Variants in TSG101 observed in about 807,000 individuals in gnomAD.
TSG101 encodes tumor susceptibility gene 101 protein.
A neutral mutation model predicts 48.5 loss-of-function variants in TSG101; 19 were observed. The observed-to-expected ratio is 0.39, with a 90% CI of 0.27 to 0.58. TSG101 has a LOEUF of 0.58. Among genes scored for constraint, TSG101 ranks in the 20% least tolerant of loss-of-function variants. The pLI is 0.55. For missense variants in TSG101, 365 were observed against 484.4 expected (o/e 0.75, Z 2.31); for synonymous variants, 174 against 169.4 (o/e 1.03, Z -0.21).
intron 1 of TSG101, chr11:18,525,587 G>A: frequency 6.0e-6 from 2 of 334,914 alleles, no homozygotes; most frequent in Middle Eastern, 1.6e-3. Flanking sequence ...ATACTCTTCA[G>A]TTACATACTA....
intron 2 of TSG101, among the ~76,000 whole-genome samples, chr11:18,518,647 G>A (rs1850217988): frequency 6.6e-6 from 1 of 152,154 alleles, no homozygotes; most frequent in Admixed American, 6.6e-5. Flanking sequence ...TCTATAAAAT[G>A]AAAGGGACAG....
chr11:18,506,547 C>T (rs1007955458), intron 6 of TSG101, among the ~76,000 whole-genome samples: 2 of 151,674 alleles, frequency 1.3e-5, no homozygotes, highest in South Asian at 4.2e-4. Flanking sequence ...AAAAATTAGC[C>T]GGGAATGGTG....
At chr11:18,513,646 T>C (rs1850123534) in intron 4 of TSG101, among the ~76,000 whole-genome samples, 1 of 152,126 alleles carries the variant, frequency 6.6e-6, no homozygotes, top group African/African-American at 2.4e-5. Context: ...GATCTAAAAG[T>C]CCTAGTTACT....
intron 7 of TSG101, among the ~76,000 whole-genome samples, chr11:18,494,988 GA>G (rs1238283640): frequency 6.6e-6 from 1 of 152,078 alleles, no homozygotes; most frequent in Non-Finnish European, 1.5e-5. Context: ...CTAAAGAGTG[GA>G]AACTACAGAA....
chr11:18,525,839 G>T, intron 1 of TSG101: 1 of 259,922 alleles, frequency 3.8e-6, no homozygotes, highest in Non-Finnish European at 6.0e-6. Context: ...CTATGGGGGC[G>T]ATTTAACTGG....
At chr11:18,514,863 C>T (rs1850144978) in intron 3 of TSG101, 22 bp from the exon 4 acceptor site, 2 of 1,516,970 alleles carry the variant, frequency 1.3e-6, no homozygotes, top group Admixed American at 2.6e-5. Context: ...ATAGAAACTT[C>T]AGTTACTCTA....
At chr11:18,481,924 G>T in intron 8 of TSG101, 55 bp from the exon 9 acceptor site, 1 of 1,590,296 alleles carries the variant, frequency 6.3e-7, no homozygotes, top group Non-Finnish European at 8.5e-7. Context: ...CCACTTGTCA[G>T]ACACCTACAA....
In TSG101 at chr11:18,524,049, C is replaced by T. The variant is rs181585541; in HGVS notation, c.42+2726G>A. Reference sequence around the variant, plus strand: ...CAAGTGGATTCTCCCATCTCTACCTCCCAAAGTATTGGGATTACAGGCATG... The same window carrying T: ...CAAGTGGATTCTCCCATCTCTACCTTCCAAAGTATTGGGATTACAGGCATG... On this transcript the variant is annotated intron_variant, in intron 1 of 9. Transcript: ENST00000251968. Among the ~76,000 whole-genome samples, 568 of 152,312 alleles carry T rather than the reference C, an allele frequency of 3.7e-3. 3 individuals are homozygous for T. Among genetic ancestry groups the T allele is most frequent in the Middle Eastern group, 6.8e-3 (2 of 294 alleles).
chr11:18,525,540 TAAAAAA>T (rs756622322), intron 1 of TSG101: 12 of 111,388 alleles, frequency 1.1e-4, no homozygotes, highest in Admixed American at 1.6e-4. Context: ...AGCAAGACTC[TAAAAAA>T]AAAAAAAAAA....
intron 6 of TSG101, among the ~76,000 whole-genome samples, chr11:18,504,505 T>C (rs1299545375): frequency 2.6e-5 from 4 of 152,330 alleles, no homozygotes; most frequent in Non-Finnish European, 4.4e-5. Context: ...GTTTCTAGTC[T>C]CTTCAGTAAT....
At chr11:18,491,056 C>T (rs551128882) in intron 7 of TSG101, 29 of 174,888 alleles carry the variant, frequency 1.7e-4, no homozygotes, top group Admixed American at 9.8e-4. Flanking sequence ...GCAGCGGTGG[C>T]GGTGCCTGCC....
In TSG101 at chr11:18,519,622, T is replaced by A; in HGVS notation, c.43-19A>T. The A allele has an allele frequency of 6.3e-7, 1 of 1,577,638 alleles. No individual in the cohort carries two copies. Among genetic ancestry groups the A allele is most frequent in the Non-Finnish European group, 8.7e-7 (1 of 1,155,840 alleles). On this transcript the variant is annotated intron_variant, in intron 1 of 9. Coordinates refer to ENST00000251968, the MANE Select transcript of TSG101 (RefSeq NM_006292.4). ...ATTTGTACTGAAAAGCAAAATCGCA[T>A]AAGAATTTAGTTTAAAACCAATGCA...
At chr11:18,484,118 C>T in intron 7 of TSG101, 46 bp from the exon 8 acceptor site, 1 of 1,598,332 alleles carries the variant, frequency 6.3e-7, no homozygotes, top group Non-Finnish European at 8.6e-7. Context: ...TCCCAAGTTC[C>T]TTCTATTTGT....
intron 1 of TSG101, among the ~76,000 whole-genome samples, chr11:18,520,432 C>T (rs1784802951): frequency 6.6e-6 from 1 of 152,034 alleles, no homozygotes; most frequent in Non-Finnish European, 1.5e-5. Context: ...GCTATGTTGC[C>T]CAGGCTGGTC....
At chr11:18,509,377 G>T (rs909080084) in intron 5 of TSG101, among the ~76,000 whole-genome samples, 165 bp downstream of exon 5, 2 of 152,162 alleles carry the variant, frequency 1.3e-5, no homozygotes, top group African/African-American at 4.8e-5. Context: ...AGTCTTTGGT[G>T]GGAATCTGTA....
intron 7 of TSG101, among the ~76,000 whole-genome samples, chr11:18,499,285 CAT>C (rs1207452923): frequency 6.3e-5 from 6 of 95,786 alleles, no homozygotes; most frequent in Non-Finnish European, 1.0e-4. Context: ...TTATATATAT[CAT>C]ATATATTTAT....
intron 2 of TSG101, among the ~76,000 whole-genome samples, chr11:18,519,034 T>A (rs1850225296): frequency 1.3e-5 from 2 of 152,160 alleles, no homozygotes; most frequent in Admixed American, 1.3e-4. Flanking sequence ...AGGTTCTTGC[T>A]CTGTTGCCCA....
At chr11:18,481,379 C>G in intron 9 of TSG101, 1 of 1,263,300 alleles carries the variant, frequency 7.9e-7, no homozygotes, top group Non-Finnish European at 1.0e-6. Context: ...AGAAGAGTTA[C>G]ACTCATCTTA....
chr11:18,497,045 C>T (rs1316682891), intron 7 of TSG101, among the ~76,000 whole-genome samples: 5 of 151,900 alleles, frequency 3.3e-5, no homozygotes, highest in Non-Finnish European at 5.9e-5. Flanking sequence ...GAGCCAAGAT[C>T]GCGCCACTGC....
Sources: allele counts gnomAD v4.1 joint callset (sites outside exome capture counted in the v4.1 genomes callset), GRCh38; gene constraint gnomAD v4.1.1; transcripts MANE v1.5; gene names NCBI Gene and HGNC (gene_info 2026-07-23, HGNC 2026-07-21).